Variants in XKR4 observed in about 807,000 individuals in gnomAD.
XKR4 encodes XK related 4, also known as XK-related protein 4.
XKR4 carries 12 observed loss-of-function variants against 53.9 expected under a neutral mutation model. The observed-to-expected ratio is 0.22, with a 90% CI of 0.14 to 0.36. The LOEUF (loss-of-function observed/expected upper bound fraction) is 0.36. XKR4 is among the 10% of genes least tolerant of loss of function. The pLI is 1.00. For missense variants in XKR4, 799 were observed against 859.5 expected, an observed-to-expected ratio of 0.93 and a Z score of 0.88; for synonymous variants, 354 against 362.4, an observed-to-expected ratio of 0.98 and a Z score of 0.26.
intron 1 of XKR4, among the ~76,000 whole-genome samples, chr8:55,198,423 A>G (rs1002061663): frequency 2.0e-5 from 3 of 152,166 alleles, no homozygotes; most frequent in Non-Finnish European, 2.9e-5. Flanking sequence ...ATAATAAGGC[A>G]TTAATTATTG....
chr8:55,363,462 C>T (rs1803930954), intron 2 of XKR4, among the ~76,000 whole-genome samples: 1 of 152,170 alleles, frequency 6.6e-6, no homozygotes, highest in Non-Finnish European at 1.5e-5. Flanking sequence ...AAGTTGTCCT[C>T]AAATATCCGG....
At chr8:55,172,706 A>G (rs1460535955) in intron 1 of XKR4, among the ~76,000 whole-genome samples, 1 of 152,228 alleles carries the variant, frequency 6.6e-6, no homozygotes, top group Non-Finnish European at 1.5e-5. Flanking sequence ...CTGTTCATAC[A>G]GACAAAAAAG....
intron 1 of XKR4, among the ~76,000 whole-genome samples, chr8:55,147,450 C>G (rs919096262): frequency 6.6e-6 from 1 of 152,152 alleles, no homozygotes; most frequent in Non-Finnish European, 1.5e-5. Flanking sequence ...AGCTAATAAC[C>G]TCTTTCAGTA....
intron 2 of XKR4, among the ~76,000 whole-genome samples, chr8:55,376,416 T>A (rs775762850): frequency 2.0e-5 from 3 of 152,180 alleles, no homozygotes; most frequent in Non-Finnish European, 2.9e-5. Context: ...TTAATCATCA[T>A]CATTCTGATT....
intron 1 of XKR4, among the ~76,000 whole-genome samples, chr8:55,120,220 G>T (rs1554560770): frequency 6.6e-6 from 1 of 152,168 alleles, no homozygotes; most frequent in Non-Finnish European, 1.5e-5. Flanking sequence ...TCATTCATGG[G>T]TTTCTTGTTG....
chr8:55,246,711 GTC>G lies in XKR4; in HGVS notation c.807-110965_807-110964del, dbSNP rs577004786. ...TCTCAAAAAGAAAGACCCCATTAAA[GTC>G]TTTTTTTTTTTTTAGTTTACTTTGA... On this transcript the variant is annotated intron_variant, in intron 1 of 2. Coordinates refer to ENST00000327381, the MANE Select transcript of XKR4 (RefSeq NM_052898.2). 3.1e-3 allele frequency among the ~76,000 whole-genome samples: 438 copies of G among 141,794 alleles called. 3 individuals are homozygous for G. Among genetic ancestry groups the G allele is most frequent in the African/African-American group, 0.011 (420 of 39,620 alleles). 93.0% of individuals were successfully genotyped at this position (141,794 alleles called of 152,430 possible). A position where few individuals can be genotyped will look rare whatever the true frequency, so the allele number is the denominator to read the frequency against.
intron 1 of XKR4, among the ~76,000 whole-genome samples, chr8:55,317,561 T>G (rs537328276): frequency 6.6e-6 from 1 of 152,346 alleles, no homozygotes; most frequent in Admixed American, 6.5e-5. Context: ...GGCTCTGATT[T>G]ATTTATGGAT....
chr8:55,342,643 T>C (rs541199655), intron 1 of XKR4, among the ~76,000 whole-genome samples: 1 of 152,192 alleles, frequency 6.6e-6, no homozygotes, highest in Middle Eastern at 3.4e-3. Context: ...ACGCCTCCTG[T>C]TCATTCTGCC....
At chr8:55,151,765 A>G (rs1033960420) in intron 1 of XKR4, among the ~76,000 whole-genome samples, 3 of 152,148 alleles carry the variant, frequency 2.0e-5, no homozygotes, top group Non-Finnish European at 2.9e-5. Flanking sequence ...GCATGCTACT[A>G]TTTTCACTAA....
chr8:55,136,486 T>C (rs1816632344), intron 1 of XKR4, among the ~76,000 whole-genome samples: 1 of 152,194 alleles, frequency 6.6e-6, no homozygotes. Flanking sequence ...GAGTTTTGAG[T>C]AAGTAGTAGT....
chr8:55,259,113 G>A (rs749192048), intron 1 of XKR4, among the ~76,000 whole-genome samples: 1 of 152,202 alleles, frequency 6.6e-6, no homozygotes, highest in Non-Finnish European at 1.5e-5. Flanking sequence ...TGAGGTAAGA[G>A]AAGGTGAACT....
chr8:55,271,073 C>G (rs1818684488), intron 1 of XKR4, among the ~76,000 whole-genome samples: 2 of 152,246 alleles, frequency 1.3e-5, no homozygotes, highest in South Asian at 4.2e-4. Flanking sequence ...GCCATCTTCT[C>G]CTCCTCCAGA....
At chr8:55,211,598 G>T (rs1411175602) in intron 1 of XKR4, among the ~76,000 whole-genome samples, 1 of 152,152 alleles carries the variant, frequency 6.6e-6, no homozygotes, top group African/African-American at 2.4e-5. Context: ...ATTACTCCAT[G>T]GGAAAGAATG....
At chr8:55,373,464 G>A (rs903560023) in intron 2 of XKR4, among the ~76,000 whole-genome samples, 2 of 152,132 alleles carry the variant, frequency 1.3e-5, no homozygotes, top group Non-Finnish European at 2.9e-5. Flanking sequence ...ACCGCACCTG[G>A]CCAACACTCC....
intron 1 of XKR4, among the ~76,000 whole-genome samples, chr8:55,291,226 T>C (rs1476429675): frequency 6.6e-6 from 1 of 152,236 alleles, no homozygotes; most frequent in Non-Finnish European, 1.5e-5. Flanking sequence ...ATTATCTCTG[T>C]GTCTACTCTT....
chr8:55,393,015 T>A (rs1038920380), intron 2 of XKR4, among the ~76,000 whole-genome samples: 2 of 152,082 alleles, frequency 1.3e-5, no homozygotes, highest in African/African-American at 4.8e-5. Flanking sequence ...TAAAAAAAAA[T>A]TCAGCCAATA....
chr8:55,161,815 CTG>C (rs1251849303), intron 1 of XKR4, among the ~76,000 whole-genome samples: 1 of 152,206 alleles, frequency 6.6e-6, no homozygotes, highest in Non-Finnish European at 1.5e-5. Flanking sequence ...AGTTAAGTAT[CTG>C]AGGTCTTAAA....
At chr8:55,451,047 A>G in intron 2 of XKR4, 1 of 536,662 alleles carries the variant, frequency 1.9e-6, no homozygotes, top group Non-Finnish European at 3.5e-6. Flanking sequence ...GAATACCTTA[A>G]TGGGCACCAG....
rs60739329 is a variant in XKR4 at position 55,530,143 on chromosome 8, A to AGAAGGAAGGAAGGAAG, written c.*5967_*5982dup. 1 of 132,894 alleles carries AGAAGGAAGGAAGGAAG rather than the reference A, an allele frequency of 7.5e-6. No homozygotes were observed. The highest frequency in any genetic ancestry group is 1.6e-5 in the Non-Finnish European group (1 of 62,834). 8.2% of individuals were successfully genotyped at this position (132,894 alleles called of 1,614,324 possible). On this transcript the variant is annotated 3_prime_UTR_variant, in exon 3 of 3. Transcript: ENST00000327381. Reference sequence around the variant, plus strand: ...AGGGAGGGAGAGAGGGAGGGAAGGAAGAAGGAAGGAAGGAAGGAAGGAAGG... The same window carrying AGAAGGAAGGAAGGAAG: ...AGGGAGGGAGAGAGGGAGGGAAGGAAGAAGGAAGGAAGGAAGGAAGGAAGGAAGGAAGGAAGGAAGG...
Sources: allele counts gnomAD v4.1 joint callset (sites outside exome capture counted in the v4.1 genomes callset), GRCh38; gene constraint gnomAD v4.1.1; transcripts MANE v1.5; gene names NCBI Gene and HGNC (gene_info 2026-07-23, HGNC 2026-07-21).